The following CPNE8 variants were observed in gnomAD, a reference collection of about 807,000 sequenced individuals.
The protein encoded by CPNE8 is copine-8.
Under a neutral mutation model 81.5 loss-of-function variants are expected in CPNE8, and 45 were observed. The ratio of observed to expected loss-of-function variants is 0.55; its 90% CI spans 0.44 to 0.71. CPNE8 has a LOEUF of 0.71. Among genes scored for constraint, CPNE8 ranks in the 30% least tolerant of loss-of-function variants. CPNE8 has a pLI of 0.00. For missense variants in CPNE8, 594 were observed against 672.1 expected (o/e 0.88, Z 1.28); for synonymous variants, 252 against 226.3 (o/e 1.11, Z -1.02).
intron 10 of CPNE8, among the ~76,000 whole-genome samples, chr12:38,738,817 T>C (rs1266674783): frequency 2.5e-4 from 30 of 119,278 alleles, no homozygotes; most frequent in East Asian, 6.7e-4. Context: ...TTTTTTTTTT[T>C]TCTTTTTTTT....
At chr12:38,780,365 G>A (rs1011341478) in intron 6 of CPNE8, among the ~76,000 whole-genome samples, 1 of 152,014 alleles carries the variant, frequency 6.6e-6, no homozygotes, top group South Asian at 2.1e-4. Flanking sequence ...AATGTAAAAG[G>A]TCTAATAATA....
intron 19 of CPNE8, among the ~76,000 whole-genome samples, chr12:38,660,346 C>G (rs990501550): frequency 3.9e-5 from 6 of 152,000 alleles, no homozygotes; most frequent in African/African-American, 1.2e-4. Context: ...ACAAACCTGA[C>G]AAAAACAAGC....
Position 38,854,372 on chromosome 12 carries a change from G to A in CPNE8, c.187-5710C>T, listed in dbSNP as rs986978424. Among the ~76,000 whole-genome samples, 2 of 115,502 alleles carry A rather than the reference G, an allele frequency of 1.7e-5. 1 individual carries two copies. Among genetic ancestry groups the A allele is most frequent in the South Asian group, 5.2e-4 (2 of 3,812 alleles). The allele number at this position is 115,502 out of a possible 152,430, so 75.8% of individuals were successfully genotyped here. A position where few individuals can be genotyped will look rare whatever the true frequency, so the allele number is the denominator to read the frequency against. ...CATTTTTTTCACAATCCAATAATAC[G>A]AAACTCACTTTATTATACGTCTATC... is the stretch of plus-strand genomic sequence containing the variant. On this transcript the variant is annotated intron_variant, in intron 3 of 19. Coordinates refer to ENST00000331366, the MANE Select transcript of CPNE8 (RefSeq NM_153634.3).
intron 17 of CPNE8, among the ~76,000 whole-genome samples, 196 bp from the exon 18 acceptor site, chr12:38,675,970 G>T (rs1026209192): frequency 2.0e-5 from 3 of 151,860 alleles, no homozygotes; most frequent in African/African-American, 7.3e-5. Flanking sequence ...AAAATAATTA[G>T]CCAGGTGTGG....
At chr12:38,896,765 T>C (rs563314074) in intron 1 of CPNE8, among the ~76,000 whole-genome samples, 188 of 152,246 alleles carry the variant, frequency 1.2e-3, no homozygotes, top group African/African-American at 4.4e-3. Flanking sequence ...TCTCTCCACA[T>C]TGAATTAATC....
At chr12:38,704,018 G>C (rs985939533) in intron 13 of CPNE8, among the ~76,000 whole-genome samples, 1 of 152,230 alleles carries the variant, frequency 6.6e-6, no homozygotes, top group South Asian at 2.1e-4. Context: ...CAAACACCAC[G>C]TATTCTTCCT....
intron 13 of CPNE8, among the ~76,000 whole-genome samples, chr12:38,713,835 G>T (rs1940320982): frequency 6.6e-6 from 1 of 152,058 alleles, no homozygotes; most frequent in South Asian, 2.1e-4. Context: ...TTTTTTCAAA[G>T]GATAAAAATG....
chr12:38,829,816 G>A (rs1446059228), intron 5 of CPNE8, among the ~76,000 whole-genome samples: 1 of 152,180 alleles, frequency 6.6e-6, no homozygotes, highest in Non-Finnish European at 1.5e-5. Context: ...GAGACAAAAT[G>A]AGAAAGCCCA....
At chr12:38,801,781 C>T (rs1219049655) in intron 6 of CPNE8, among the ~76,000 whole-genome samples, 2 of 103,758 alleles carry the variant, frequency 1.9e-5, no homozygotes, top group East Asian at 3.2e-4. Context: ...TGCAGAGACA[C>T]ACATAGGCTC....
intron 10 of CPNE8, among the ~76,000 whole-genome samples, chr12:38,752,203 T>C (rs1297731801): frequency 6.6e-6 from 1 of 152,312 alleles, no homozygotes; most frequent in East Asian, 1.9e-4. Context: ...ATGCAAGAGT[T>C]GGCAACTGAT....
At chr12:38,845,780 A>C (rs149490029) in intron 4 of CPNE8, among the ~76,000 whole-genome samples, 267 of 152,294 alleles carry the variant, frequency 1.8e-3, no homozygotes, top group African/African-American at 6.3e-3. Context: ...TTAAAGTGAT[A>C]GCAAAGACAC....
At chr12:38,714,775 ATATTT>A (rs1940345978) in intron 13 of CPNE8, among the ~76,000 whole-genome samples, 1 of 152,092 alleles carries the variant, frequency 6.6e-6, no homozygotes, top group African/African-American at 2.4e-5. Context: ...GCTAAACACA[ATATTT>A]TACGGATTGA....
intron 10 of CPNE8, among the ~76,000 whole-genome samples, chr12:38,758,797 C>T (rs1941516985): frequency 6.6e-6 from 1 of 152,074 alleles, no homozygotes; most frequent in Admixed American, 6.5e-5. Context: ...TAATTAAATT[C>T]CAAGGTAATT....
Position 38,653,990 on chromosome 12 carries a change from A to G in CPNE8, c.1587T>C (p.Ala529=), listed in dbSNP as rs199881239. Residue 529 remains alanine, a synonymous_variant, in exon 20 of 20, where the codon GCT becomes GCC. Transcript: ENST00000331366. ...SMARLAKDVL[A]EIPEQFLSYM... is the part of the protein sequence containing the mutation. ...AGGAGAGAAACTGCTCAGGGATCTC[A>G]GCTAGGACATCTTTAGCCAATCTAG... 5 of 1,613,754 alleles carry G rather than the reference A, an allele frequency of 3.1e-6. 1 individual carries two copies. The East Asian group carries it at 8.9e-5, about 29-fold the overall frequency.
Position 38,902,296 on chromosome 12 carries a change from A to AAAGGAAGGAAGGAAGGAAGGAAGG in CPNE8, c.98+3140_98+3141insCCTTCCTTCCTTCCTTCCTTCCTT, listed in dbSNP as rs1183045799. On this transcript the variant is annotated intron_variant, in intron 1 of 19. Transcript: ENST00000331366. Reference sequence around the variant, plus strand: ...AAAGAAAAGAAAGAAGGAAGGAAGGAAAGGAAGGAAGGAAGGAAGGAAAGA... The same window carrying AAAGGAAGGAAGGAAGGAAGGAAGG: ...AAAGAAAAGAAAGAAGGAAGGAAGGAAAGGAAGGAAGGAAGGAAGGAAGGAAGGAAGGAAGGAAGGAAGGAAAGA... 3.6e-5 allele frequency among the ~76,000 whole-genome samples: 2 copies of AAAGGAAGGAAGGAAGGAAGGAAGG among 56,156 alleles called. 1 individual carries two copies. The highest frequency in any genetic ancestry group is 2.1e-4 in the African/African-American group (2 of 9,540). 36.8% of individuals were successfully genotyped at this position (56,156 alleles called of 152,430 possible). A position where few individuals can be genotyped will look rare whatever the true frequency, so the allele number is the denominator to read the frequency against.
chr12:38,820,406 G>GA lies in CPNE8; in HGVS notation c.407+8972dup, dbSNP rs879374275. 1.1e-3 allele frequency among the ~76,000 whole-genome samples: 159 copies of GA among 142,468 alleles called. 1 individual carries two copies. The highest frequency in any genetic ancestry group is 4.2e-3 in the East Asian group (21 of 4,948). 93.5% of individuals were successfully genotyped at this position (142,468 alleles called of 152,430 possible). A position where few individuals can be genotyped will look rare whatever the true frequency, so the allele number is the denominator to read the frequency against. ...GGCAACACAGTGAGACTTCATCTCAGAAAAAAAAAAGAAAGAAAGAAAAGA... is the reference window on the plus strand; with the variant it reads ...GGCAACACAGTGAGACTTCATCTCAGAAAAAAAAAAAGAAAGAAAGAAAAGA... On this transcript the variant is annotated intron_variant, in intron 6 of 19. Coordinates refer to ENST00000331366, the MANE Select transcript of CPNE8 (RefSeq NM_153634.3).
chr12:38,777,053 T>C (rs1305443623), intron 6 of CPNE8, among the ~76,000 whole-genome samples: 1 of 150,752 alleles, frequency 6.6e-6, no homozygotes, highest in African/African-American at 2.4e-5. Context: ...AAGCTAACTG[T>C]AAAAACAGCC....
At chr12:38,684,522 T>C (rs1939489264) in intron 16 of CPNE8, among the ~76,000 whole-genome samples, 1 of 152,152 alleles carries the variant, frequency 6.6e-6, no homozygotes, top group Admixed American at 6.5e-5. Context: ...AATGTATCAC[T>C]GTCAACCTGA....
At chr12:38,660,694 A>G (rs1335339241) in intron 19 of CPNE8, among the ~76,000 whole-genome samples, 1 of 152,206 alleles carries the variant, frequency 6.6e-6, no homozygotes, top group Non-Finnish European at 1.5e-5. Context: ...AGAATGGGAG[A>G]AAATTTTTGC....
Sources: gnomAD v4.1 joint callset for allele counts (sites outside exome capture counted in the v4.1 genomes callset) on GRCh38, gnomAD v4.1.1 for gene constraint, MANE v1.5 for transcripts, NCBI Gene and HGNC (gene_info 2026-07-23, HGNC 2026-07-21) for gene names.